The following VDR variants were observed in gnomAD, a reference collection of about 807,000 sequenced individuals.
VDR encodes vitamin D receptor.
Under a neutral mutation model 39.7 loss-of-function variants are expected in VDR, and 19 were observed. That is an observed-to-expected ratio of 0.48 (90% CI 0.33 to 0.70). The LOEUF (loss-of-function observed/expected upper bound fraction) is 0.70, where lower values mean the gene tolerates loss of function less well. VDR is among the 30% of genes least tolerant of loss of function. The probability of loss-of-function intolerance (pLI) is 0.02; values close to 1 mark genes in which losing one functional copy is unlikely to be tolerated. For missense variants in VDR, 442 were observed against 570.5 expected, an observed-to-expected ratio of 0.77 and a Z score of 2.29; for synonymous variants, 242 against 215.8, an observed-to-expected ratio of 1.12 and a Z score of -1.07.
At chr12:47,900,707 A>G (rs151126072) in intron 1 of VDR, among the ~76,000 whole-genome samples, 1 of 152,320 alleles carries the variant, frequency 6.6e-6, no homozygotes, top group East Asian at 1.9e-4. Flanking sequence ...CTCGGGCCTC[A>G]TGGGTATTCC....
chr12:47,853,048 T>C (rs1292732699), intron 7 of VDR, among the ~76,000 whole-genome samples: 2 of 152,262 alleles, frequency 1.3e-5, no homozygotes, highest in Admixed American at 1.3e-4. Context: ...TTATGTATTT[T>C]ATGGCAATAT....
chr12:47,849,910 G>T (rs1251826386), intron 7 of VDR, among the ~76,000 whole-genome samples: 2 of 151,802 alleles, frequency 1.3e-5, no homozygotes, highest in Admixed American at 1.3e-4. Flanking sequence ...GAGTGCAGTG[G>T]TGCAATCTCG....
At chr12:47,899,511 G>A (rs569358037) in intron 1 of VDR, among the ~76,000 whole-genome samples, 9 of 152,348 alleles carry the variant, frequency 5.9e-5, no homozygotes, top group African/African-American at 2.2e-4. Flanking sequence ...AAGCGACCTC[G>A]CCAAGATTTG....
intron 3 of VDR, among the ~76,000 whole-genome samples, chr12:47,873,351 C>CTTTTTTTTTTTTTTTTTTTTTTTT (rs71077177): frequency 1.0e-5 from 1 of 98,424 alleles, no homozygotes; most frequent in Non-Finnish European, 2.0e-5. Context: ...AACCTGTTTT[C>CTTTTTTTTTTTTTTTTTTTTTTTT]TTTTTTTTTT....
chr12:47,874,183 C>G (rs1048854953), intron 3 of VDR, among the ~76,000 whole-genome samples: 1 of 152,176 alleles, frequency 6.6e-6, no homozygotes, highest in Non-Finnish European at 1.5e-5. Context: ...CATAGATAAC[C>G]CCACTCATTC....
chr12:47,882,623 G>GCCCCCGGGGCCCCCCC, intron 2 of VDR, 71 bp downstream of exon 2: 1 of 543,282 alleles, frequency 1.8e-6, no homozygotes, highest in Non-Finnish European at 3.2e-6. Context: ...ACCTTCTTAT[G>GCCCCCGGGGCCCCCCC]CCCCTCCCCC....
chr12:47,901,975 C>T (rs1356412086), intron 1 of VDR, among the ~76,000 whole-genome samples: 1 of 152,208 alleles, frequency 6.6e-6, no homozygotes, highest in Non-Finnish European at 1.5e-5. Flanking sequence ...TGGCTGATAA[C>T]ACCAGGGAGC....
Position 47,879,056 on chromosome 12 carries a change from C to T in VDR, c.58G>A (p.Val20Met), listed in dbSNP as rs375156114. 26 of 1,614,068 alleles carry T rather than the reference C, an allele frequency of 1.6e-5. No homozygotes were observed. In the African/African-American group the frequency reaches 2.0e-4, roughly 12 times the overall value. The change falls in exon 3 of 10, where the codon GTG becomes ATG. Residue 20 changes from valine to methionine, a missense_variant. This residue lies in a region of VDR where 141 missense variants were observed against 141.3 expected (regional missense o/e 1.00). Coordinates refer to ENST00000549336, the MANE Select transcript of VDR (RefSeq NM_000376.3). The stretch of plus-strand genomic sequence containing the variant: ...CCACACACCCCACAGATCCGGGGCA[C>T]GTTCCGGTCAAAGTCTCCAGGGTCA... Reference protein sequence around the residue: ...LPDPGDFDRNVPRICGVCGDR... With the variant: ...LPDPGDFDRNMPRICGVCGDR...
chr12:47,882,628 T>TGCCCCCCCCCCCC, intron 2 of VDR, 66 bp downstream of exon 2: 1 of 187,188 alleles, frequency 5.3e-6, no homozygotes. Flanking sequence ...CTTATGCCCC[T>TGCCCCCCCCCCCC]CCCCCCCACC....
At position 47,844,684 on chromosome 12, in the gene VDR, C is replaced by G. The variant is rs1375259563; in HGVS notation, c.*62G>C. Reference sequence around the variant, plus strand: ...AGGGCTGCTGAGTAGCCGCCAGCCCCGGGCCTGGCACGTGGCCCTGGAGGA... The same window carrying G: ...AGGGCTGCTGAGTAGCCGCCAGCCCGGGGCCTGGCACGTGGCCCTGGAGGA... On this transcript the variant is annotated 3_prime_UTR_variant, in exon 10 of 10. Transcript: ENST00000549336. 7 of 1,609,012 alleles carry G rather than the reference C, an allele frequency of 4.4e-6. No individual in the cohort carries two copies. The Admixed American group carries it at 1.0e-4, about 23-fold the overall frequency.
intron 9 of VDR, 72 bp from the exon 10 acceptor site, chr12:47,845,077 C>G (rs1945254060): frequency 6.3e-7 from 1 of 1,595,300 alleles, no homozygotes; most frequent in Non-Finnish European, 8.5e-7. Flanking sequence ...ATCCCACCAC[C>G]CCCCACCCAC....
chr12:47,886,240 G>A (rs112159752), intron 1 of VDR, among the ~76,000 whole-genome samples: 2 of 152,194 alleles, frequency 1.3e-5, no homozygotes, highest in South Asian at 2.1e-4. Flanking sequence ...AGCCACAACC[G>A]CACATGTACT....
At position 47,857,219 on chromosome 12, in the gene VDR, T is replaced by G. The variant is rs1305659614; in HGVS notation, c.493A>C (p.Ser165Arg). 1 of 1,614,082 alleles carries G rather than the reference T, an allele frequency of 6.2e-7. No homozygotes were observed. The highest frequency in any genetic ancestry group is 8.5e-7 in the Non-Finnish European group (1 of 1,180,006). The change falls in exon 6 of 10, where the codon AGC (serine) becomes CGC (arginine). Residue 165 changes from serine to arginine, a missense_variant. Coordinates refer to ENST00000549336, the MANE Select transcript of VDR (RefSeq NM_000376.3). The part of the protein sequence containing the change: ...PPVRVNDGGG[S>R]HPSRPNSRHT... ...CTGGAGTTGGGCCTGGAAGGATGGC[T>G]CCCTCCACCATCATTCACACGAACT...
intron 2 of VDR, among the ~76,000 whole-genome samples, chr12:47,879,782 T>C (rs2408876): frequency 0.42 from 63,602 of 152,018 alleles, 13,591 homozygotes; most frequent in South Asian, 0.59. Flanking sequence ...TTTTTGGCAA[T>C]AACACTTAAA....
At chr12:47,846,945 G>T (rs1945292557) in intron 7 of VDR, 137 bp from the exon 8 acceptor site, 2 of 1,026,124 alleles carry the variant, frequency 1.9e-6, no homozygotes, top group Non-Finnish European at 3.0e-6. Flanking sequence ...GAGCTTGCAG[G>T]CTGGCTGGAA....
chr12:47,883,605 A>G (rs1015691858), intron 1 of VDR, among the ~76,000 whole-genome samples: 6 of 152,160 alleles, frequency 3.9e-5, no homozygotes, highest in Non-Finnish European at 5.9e-5. Context: ...ACCTGCAGAC[A>G]TAGACAAACA....
chr12:47,904,317 C>T, intron 1 of VDR, among the ~76,000 whole-genome samples: 1 of 151,842 alleles, frequency 6.6e-6, no homozygotes, highest in Non-Finnish European at 1.5e-5. Context: ...TCCAGGGCAC[C>T]TCACTTTTCA....
Position 47,869,732 on chromosome 12 carries a change from A to G in VDR, c.147-4555T>C, listed in dbSNP as rs112294557. Reference sequence around the variant, plus strand: ...CAACATGGTGAAACCCTGTATCTACAAAAGATTAAAAAAAATTAGCCAGGC... The same window carrying G: ...CAACATGGTGAAACCCTGTATCTACGAAAGATTAAAAAAAATTAGCCAGGC... On this transcript the variant is annotated intron_variant, in intron 3 of 9. Transcript: ENST00000549336. 8.3e-3 allele frequency among the ~76,000 whole-genome samples: 1,257 copies of G among 151,964 alleles called. 19 individuals carry two copies. The highest frequency in any genetic ancestry group is 0.029 in the African/African-American group (1,212 of 41,466).
chr12:47,884,533 A>G (rs1014223219), intron 1 of VDR, among the ~76,000 whole-genome samples: 1 of 152,156 alleles, frequency 6.6e-6, no homozygotes, highest in African/African-American at 2.4e-5. Context: ...GCCCTGCTCC[A>G]TGGTTTTCCT....
Sources: gnomAD v4.1 joint callset for allele counts (sites outside exome capture counted in the v4.1 genomes callset) on GRCh38, gnomAD v4.1.1 for gene constraint, gnomAD v4.1.1 regional missense constraint, MANE v1.5 for transcripts, NCBI Gene and HGNC (gene_info 2026-07-23, HGNC 2026-07-21) for gene names.